Variants in RBM27 observed in about 807,000 individuals in gnomAD.
RBM27 encodes the protein RNA binding motif protein 27, also known as RNA-binding protein 27.
In RBM27, 22 loss-of-function variants were observed where a neutral mutation model predicts 135.3. That is an observed-to-expected ratio of 0.16 (90% confidence interval 0.12 to 0.23). The LOEUF (loss-of-function observed/expected upper bound fraction) is 0.23, where lower values mean the gene tolerates loss of function less well. RBM27 is among the 10% of genes least tolerant of loss of function. The probability of loss-of-function intolerance (pLI) is 1.00; values close to 1 mark genes in which losing one functional copy is unlikely to be tolerated. For synonymous variants in RBM27, 481 were observed against 442.4 expected (o/e 1.09, Z -1.10); for missense variants, 1,009 against 1,281.0 (o/e 0.79, Z 3.24).
chr5:146,254,531 C>A (rs976258238), intron 9 of RBM27, among the ~76,000 whole-genome samples: 1 of 147,078 alleles, frequency 6.8e-6, no homozygotes. Context: ...GCAGATTCAA[C>A]CAACTACAGA....
intron 1 of RBM27, among the ~76,000 whole-genome samples, chr5:146,210,292 A>G (rs1392960800): frequency 6.6e-6 from 1 of 152,188 alleles, no homozygotes; most frequent in Non-Finnish European, 1.5e-5. Flanking sequence ...TTGTGCATGT[A>G]TTTAGCTAGT....
intron 1 of RBM27, among the ~76,000 whole-genome samples, chr5:146,218,582 C>T (rs1302851944): frequency 1.3e-5 from 2 of 152,174 alleles, no homozygotes; most frequent in African/African-American, 4.8e-5. Flanking sequence ...GTTTTTCCAT[C>T]ACTTCCCTTC....
chr5:146,226,677 A>G (rs368808834), intron 3 of RBM27, among the ~76,000 whole-genome samples: 105 of 152,200 alleles, frequency 6.9e-4, no homozygotes, highest in African/African-American at 2.5e-3. Context: ...CACTGCACCC[A>G]GCCTGTCTTG....
intron 14 of RBM27, among the ~76,000 whole-genome samples, chr5:146,264,934 T>A (rs908846016): frequency 3.9e-5 from 6 of 152,176 alleles, no homozygotes; most frequent in East Asian, 3.8e-4. Flanking sequence ...ATCCTTTTTT[T>A]AAAAATTATA....
chr5:146,235,033 A>AAAATAAATAAATAAAT (rs59434635), intron 7 of RBM27, among the ~76,000 whole-genome samples: 1,440 of 139,510 alleles, frequency 0.01, 14 homozygotes, highest in East Asian at 0.029. Context: ...CCCTGTCTCA[A>AAAATAAATAAATAAAT]AAATAAATAA....
chr5:146,267,182 G>A (rs1400786209), intron 14 of RBM27, among the ~76,000 whole-genome samples: 1 of 152,174 alleles, frequency 6.6e-6, no homozygotes, highest in East Asian at 1.9e-4. Flanking sequence ...GATTTAGAAG[G>A]ATTTAAGGAA....
chr5:146,246,807 G>T (rs1757644484), intron 8 of RBM27, among the ~76,000 whole-genome samples: 1 of 151,108 alleles, frequency 6.6e-6, no homozygotes, highest in Admixed American at 6.6e-5. Flanking sequence ...GTTAATCAAT[G>T]TGGTTAATCT....
At chr5:146,221,464 G>A (rs908859578) in intron 2 of RBM27, among the ~76,000 whole-genome samples, 5 of 151,746 alleles carry the variant, frequency 3.3e-5, no homozygotes, top group Admixed American at 2.0e-4. Context: ...ACAGAGTTTC[G>A]CTCTTGTTGC....
intron 8 of RBM27, among the ~76,000 whole-genome samples, chr5:146,243,984 A>T (rs989921111): frequency 1.3e-5 from 2 of 152,042 alleles, no homozygotes; most frequent in African/African-American, 2.4e-5. Context: ...GAAATATGTT[A>T]AAAAAAATCT....
At chr5:146,250,431 CAA>C (rs775574346) in intron 8 of RBM27, among the ~76,000 whole-genome samples, 3 of 91,928 alleles carry the variant, frequency 3.3e-5, no homozygotes, top group African/African-American at 1.2e-4. Context: ...GACTCCGTCT[CAA>C]AAAAAAAAAA....
chr5:146,206,741 C>T (rs540560919), intron 1 of RBM27, among the ~76,000 whole-genome samples: 1 of 151,884 alleles, frequency 6.6e-6, no homozygotes, highest in African/African-American at 2.4e-5. Flanking sequence ...CCACCATGCC[C>T]GGCTAATTTT....
At chr5:146,235,344 T>C (rs1016183124) in intron 7 of RBM27, among the ~76,000 whole-genome samples, 1 of 151,924 alleles carries the variant, frequency 6.6e-6, no homozygotes, top group East Asian at 1.9e-4. Context: ...TCACTTGAGC[T>C]CATGAGTTTG....
At chr5:146,248,806 T>G (rs1422463737) in intron 8 of RBM27, among the ~76,000 whole-genome samples, 4 of 152,152 alleles carry the variant, frequency 2.6e-5, no homozygotes, top group Non-Finnish European at 4.4e-5. Context: ...AAACAGACAT[T>G]GGGCAAAGTA....
chr5:146,239,912 G>C (rs748371259), intron 8 of RBM27, among the ~76,000 whole-genome samples: 1 of 151,676 alleles, frequency 6.6e-6, no homozygotes, highest in South Asian at 2.1e-4. Context: ...AAATAGCTGG[G>C]GCCACAGGCA....
At chr5:146,255,664 C>G (rs1346596888) in intron 10 of RBM27, among the ~76,000 whole-genome samples, 1 of 152,060 alleles carries the variant, frequency 6.6e-6, no homozygotes, top group East Asian at 1.9e-4. Context: ...TACCTACTCC[C>G]CCACTAAAAA....
At chr5:146,236,305 T>C (rs149538733) in intron 7 of RBM27, among the ~76,000 whole-genome samples, 1 of 152,256 alleles carries the variant, frequency 6.6e-6, no homozygotes, top group Admixed American at 6.5e-5. Context: ...ATTTTTACTT[T>C]TGATGCTTTT....
At chr5:146,209,362 T>A (rs1755840977) in intron 1 of RBM27, among the ~76,000 whole-genome samples, 1 of 152,226 alleles carries the variant, frequency 6.6e-6, no homozygotes. Flanking sequence ...CTAGTCAAAG[T>A]CATAGACTTG....
At chr5:146,285,081 GT>G (rs1759528239) in intron 20 of RBM27, among the ~76,000 whole-genome samples, 1 of 152,116 alleles carries the variant, frequency 6.6e-6, no homozygotes, top group South Asian at 2.1e-4. Context: ...AAGTTCCATA[GT>G]AATAGATTTG....
intron 6 of RBM27, 149 bp downstream of exon 6, chr5:146,231,066 G>T (rs1192591328): frequency 9.8e-7 from 1 of 1,025,262 alleles, no homozygotes; most frequent in Non-Finnish European, 1.4e-6. Context: ...CTGTCACCCA[G>T]GATGGAGTGC....
Sources: allele counts gnomAD v4.1 joint callset (sites outside exome capture counted in the v4.1 genomes callset), GRCh38; gene constraint gnomAD v4.1.1; transcripts MANE v1.5; gene names NCBI Gene and HGNC (gene_info 2026-07-23, HGNC 2026-07-21).